The following PER2 variants were observed in gnomAD, a reference collection of about 807,000 sequenced individuals.
The protein encoded by PER2 is period circadian protein homolog 2.
In PER2, 66 loss-of-function variants were observed where a neutral mutation model predicts 121.0. That is an observed-to-expected ratio of 0.55 (90% CI 0.45 to 0.67). The LOEUF is 0.67. PER2 is among the 30% of genes least tolerant of loss of function. PER2 has a pLI of 0.00. For missense variants in PER2, 1,521 were observed against 1,635.0 expected, an observed-to-expected ratio of 0.93 and a Z score of 1.20; for synonymous variants, 684 against 659.9, an observed-to-expected ratio of 1.04 and a Z score of -0.56.
intron 2 of PER2, among the ~76,000 whole-genome samples, 197 bp from the exon 3 acceptor site, chr2:238,277,390 T>A (rs1369639089): frequency 6.6e-6 from 1 of 152,132 alleles, no homozygotes; most frequent in Non-Finnish European, 1.5e-5. Flanking sequence ...CAGAAACACA[T>A]GATAACAGGA....
At position 238,284,855 on chromosome 2, in the gene PER2, C is replaced by T. The variant is rs575511878; in HGVS notation, c.-20+3494G>A. ...CAGAAAATGCGTCTCTCAGCCTCAG[C>T]GGCTCTAATAGACCAGCCTCATTTT... On this transcript the variant is annotated intron_variant, in intron 1 of 22. Transcript: ENST00000254657. Among the ~76,000 whole-genome samples the T allele has an allele frequency of 6.6e-5, 10 of 152,342 alleles. No individual in the cohort carries two copies. In the South Asian group the frequency reaches 1.7e-3, roughly 25 times the overall value.
chr2:238,258,770 GAA>G (rs1433388775), intron 14 of PER2, 126 bp from the exon 15 acceptor site: 3 of 950,074 alleles, frequency 3.2e-6, no homozygotes, highest in Admixed American at 2.0e-5. Flanking sequence ...CATGAGTATG[GAA>G]GCCTGGGGAC....
chr2:238,270,793 T>A (rs1696260995), intron 6 of PER2, among the ~76,000 whole-genome samples: 1 of 152,232 alleles, frequency 6.6e-6, no homozygotes, highest in South Asian at 2.1e-4. Flanking sequence ...CCATCCACAG[T>A]GCAGCACACT....
intron 4 of PER2, among the ~76,000 whole-genome samples, chr2:238,274,948 C>T (rs60064293): frequency 0.048 from 7,364 of 152,130 alleles, 515 homozygotes; most frequent in African/African-American, 0.15. Flanking sequence ...TCAAGGGACC[C>T]CAGAGATGAG....
At chr2:238,293,794 G>A (rs1402308633), upstream of PER2, among the ~76,000 whole-genome samples, 1 of 151,986 alleles carries the variant, frequency 6.6e-6, no homozygotes, top group Non-Finnish European at 1.5e-5. Flanking sequence ...ATTTCACTGA[G>A]ACGAAAGCTG....
intron 1 of PER2, among the ~76,000 whole-genome samples, chr2:238,283,253 G>C (rs1443560431): frequency 6.6e-6 from 1 of 152,252 alleles, no homozygotes; most frequent in East Asian, 1.9e-4. Context: ...TTTCTGAAGA[G>C]GTCCCAAGGG....
chr2:238,267,788 A>C (rs1696154195), intron 8 of PER2, among the ~76,000 whole-genome samples: 1 of 152,156 alleles, frequency 6.6e-6, no homozygotes, highest in Admixed American at 6.5e-5. Context: ...AGCCAGGGAA[A>C]GGGGAGAAGG....
chr2:238,268,223 G>C lies in PER2; in HGVS notation c.825-25C>G. The C allele has an allele frequency of 6.2e-7, 1 of 1,612,268 alleles. No individual in the cohort carries two copies. The highest frequency in any genetic ancestry group is 8.5e-7 in the Non-Finnish European group (1 of 1,179,432). ...ACTGCGGAGAAGAGCCACGCTCTAA[G>C]TTGGGAACTGTGACACAGGAACAGT... On this transcript the variant is annotated intron_variant, in intron 7 of 22. Coordinates refer to ENST00000254657, the MANE Select transcript of PER2 (RefSeq NM_022817.3). The surrounding 1 kb of genome is among the most constrained non-coding windows in gnomAD (Gnocchi z 4.0).
intron 4 of PER2, among the ~76,000 whole-genome samples, chr2:238,275,483 G>T (rs3739066): frequency 0.092 from 14,046 of 152,228 alleles, 702 homozygotes; most frequent in South Asian, 0.13. Flanking sequence ...GGGTCCAGGA[G>T]TTCGAGACCA....
the PER2 span, among the ~76,000 whole-genome samples, chr2:238,297,632 G>T: frequency 6.6e-6 from 1 of 152,192 alleles, no homozygotes; most frequent in African/African-American, 2.4e-5. Flanking sequence ...CAGACTGTGT[G>T]CCCTGGACCA....
intron 8 of PER2, among the ~76,000 whole-genome samples, chr2:238,267,613 T>G (rs989640957): frequency 2.6e-5 from 4 of 152,054 alleles, no homozygotes; most frequent in Admixed American, 1.3e-4. Context: ...GCACTTCATT[T>G]CTTGGGGACT....
intron 22 of PER2, among the ~76,000 whole-genome samples, chr2:238,248,613 C>A (rs142730502): frequency 2.6e-4 from 39 of 152,082 alleles, no homozygotes; most frequent in African/African-American, 8.9e-4. Context: ...TTGAAGTGGA[C>A]CTAGTGCTGT....
intron 20 of PER2, 91 bp downstream of exon 20, chr2:238,251,508 G>T: frequency 3.3e-6 from 4 of 1,218,194 alleles, no homozygotes; most frequent in Non-Finnish European, 4.8e-6. Context: ...GGTGATCCCT[G>T]TTCTGAGCAC....
chr2:238,285,811 G>A (rs1222191829), intron 1 of PER2, among the ~76,000 whole-genome samples: 2 of 152,098 alleles, frequency 1.3e-5, no homozygotes, highest in Non-Finnish European at 2.9e-5. Flanking sequence ...TACATAATAG[G>A]GCTCATACAG....
intron 9 of PER2, 23 bp from the exon 10 acceptor site, chr2:238,263,081 C>T (rs1695984993): frequency 7.3e-7 from 1 of 1,364,384 alleles, no homozygotes; most frequent in Non-Finnish European, 1.0e-6. Flanking sequence ...CAGACACACG[C>T]TAGGATTGGC....
intron 8 of PER2, among the ~76,000 whole-genome samples, chr2:238,267,591 G>C (rs947082331): frequency 6.6e-6 from 1 of 152,184 alleles, no homozygotes; most frequent in African/African-American, 2.4e-5. Context: ...GGTGGGGAGG[G>C]AGGGATGCCC....
In PER2 at chr2:238,253,596, C is replaced by G. The variant is rs200796861; in HGVS notation, c.2427G>C (p.Glu809Asp). The G allele has an allele frequency of 1.8e-5, 29 of 1,610,266 alleles. No homozygotes were observed. The highest frequency in any genetic ancestry group is 2.1e-5 in the Non-Finnish European group (25 of 1,178,388). ...ACACGGGCCCCCCAGATCCGGTGCT[C>G]TCAGATGAGTCTCGAGGTTTGACCC... ...SKRVKPRDSS[E>D]STGSGGPVSA... The change falls in exon 19 of 23, where the codon GAG (glutamate) becomes GAC (aspartate). Residue 809 changes from glutamate to aspartate, a missense_variant. Coordinates refer to ENST00000254657, the MANE Select transcript of PER2 (RefSeq NM_022817.3). The surrounding 1 kb of genome is among the most constrained non-coding windows in gnomAD (Gnocchi z 5.6).
At chr2:238,285,039 C>CT (rs905656314) in intron 1 of PER2, among the ~76,000 whole-genome samples, 1 of 152,148 alleles carries the variant, frequency 6.6e-6, no homozygotes, top group African/African-American at 2.4e-5. Flanking sequence ...TGGGCATGCA[C>CT]TTATGTGCTC....
At chr2:238,277,336 G>C in intron 2 of PER2, 143 bp from the exon 3 acceptor site, 2 of 729,104 alleles carry the variant, frequency 2.7e-6, no homozygotes, top group Admixed American at 4.1e-5. Flanking sequence ...GATAAAACTG[G>C]AATATAAAAC....
Sources: gnomAD v4.1 joint callset for allele counts (sites outside exome capture counted in the v4.1 genomes callset) on GRCh38, gnomAD v4.1.1 for gene constraint, Gnocchi (gnomAD v3.1) non-coding constraint, MANE v1.5 for transcripts, NCBI Gene and HGNC (gene_info 2026-07-23, HGNC 2026-07-21) for gene names.